Variants in COL21A1 observed in about 807,000 individuals in gnomAD.
The protein encoded by COL21A1 is collagen alpha-1(XXI) chain.
In COL21A1, 149 loss-of-function variants were observed where a neutral mutation model predicts 137.9. The observed-to-expected ratio is 1.08, with a 90% CI of 0.95 to 1.24. The LOEUF is 1.24. COL21A1 is among the 50% of genes most tolerant of loss of function. COL21A1 has a pLI of 0.00. For synonymous variants in COL21A1, 456 were observed against 391.5 expected (o/e 1.16, Z -1.95); for missense variants, 1,167 against 1,158.4 (o/e 1.01, Z -0.11).
At chr6:56,254,520 G>C (rs559992162) in intron 1 of COL21A1, among the ~76,000 whole-genome samples, 3 of 152,176 alleles carry the variant, frequency 2.0e-5, no homozygotes, top group Non-Finnish European at 4.4e-5. Context: ...GATGTGGTTA[G>C]TAACAGGCTG....
At chr6:56,159,334 ATT>A (rs11412656) in intron 9 of COL21A1, among the ~76,000 whole-genome samples, 11 of 137,126 alleles carry the variant, frequency 8.0e-5, no homozygotes, top group African/African-American at 1.9e-4. Flanking sequence ...TCTGAATTAC[ATT>A]TTTTTTTTTT....
At chr6:56,090,165 G>A (rs997242892) in intron 17 of COL21A1, among the ~76,000 whole-genome samples, 6 of 152,192 alleles carry the variant, frequency 3.9e-5, no homozygotes, top group Non-Finnish European at 7.3e-5. Flanking sequence ...CTTGAACCCA[G>A]GAGGCAGAGG....
At chr6:56,087,310 A>G (rs1768361158) in intron 17 of COL21A1, among the ~76,000 whole-genome samples, 1 of 152,108 alleles carries the variant, frequency 6.6e-6, no homozygotes, top group Admixed American at 6.6e-5. Flanking sequence ...CTTCTATAGC[A>G]TTGACAACCT....
chr6:56,268,128 A>T (rs1763437820), intron 1 of COL21A1, among the ~76,000 whole-genome samples: 1 of 152,166 alleles, frequency 6.6e-6, no homozygotes, highest in Non-Finnish European at 1.5e-5. Context: ...TGTGGTGAGA[A>T]CTAAAGCAGG....
At chr6:56,322,131 T>C (rs1413817071) in intron 1 of COL21A1, among the ~76,000 whole-genome samples, 1 of 152,130 alleles carries the variant, frequency 6.6e-6, no homozygotes, top group Non-Finnish European at 1.5e-5. Flanking sequence ...GCTGCCAGTC[T>C]GATCCTCTAC....
chr6:56,166,498 A>G (rs1776589275), intron 7 of COL21A1, among the ~76,000 whole-genome samples: 1 of 152,156 alleles, frequency 6.6e-6, no homozygotes, highest in Non-Finnish European at 1.5e-5. Context: ...CTAAAAATAC[A>G]AACATTAGCT....
In COL21A1 at chr6:56,075,567, G is replaced by A. The variant is rs553745983; in HGVS notation, c.1858-35C>T. ...TCAAACATTAAAAACATTATAAATTGTAAATTATCAATTTATTTCAAGAAA... is the reference window on the plus strand; with the variant it reads ...TCAAACATTAAAAACATTATAAATTATAAATTATCAATTTATTTCAAGAAA... On this transcript the variant is annotated intron_variant, in intron 18 of 29. Coordinates refer to ENST00000244728, the MANE Select transcript of COL21A1 (RefSeq NM_030820.4). 45 of 1,389,380 alleles carry A rather than the reference G, an allele frequency of 3.2e-5. No homozygotes were observed. The South Asian group carries it at 5.8e-4, about 18-fold the overall frequency. 86.1% of individuals were successfully genotyped at this position (1,389,380 alleles called of 1,614,324 possible).
intron 1 of COL21A1, among the ~76,000 whole-genome samples, chr6:56,359,504 G>T (rs558931926): frequency 5.6e-4 from 85 of 152,194 alleles, no homozygotes; most frequent in African/African-American, 2.0e-3. Flanking sequence ...GTTGGTTTGG[G>T]TTTTTTTCTG....
At chr6:56,303,316 T>C (rs1468017965) in intron 1 of COL21A1, among the ~76,000 whole-genome samples, 3 of 152,202 alleles carry the variant, frequency 2.0e-5, no homozygotes, top group Non-Finnish European at 4.4e-5. Context: ...ATAAATTACC[T>C]TGGGCAGTAT....
In COL21A1 at chr6:56,334,006, T is replaced by C. The variant is rs76621654; in HGVS notation, c.-39+59965A>G. Among the ~76,000 whole-genome samples, 1,363 of 152,286 alleles carry C rather than the reference T, an allele frequency of 9.0e-3. 19 individuals carry two copies. The highest frequency in any genetic ancestry group is 0.031 in the African/African-American group (1,272 of 41,546). ...TTCTGGTTACAAGTCCTTTATCAGA[T>C]AGATACAGTGTATGCTTTGCATATG... On this transcript the variant is annotated intron_variant, in intron 1 of 28. Transcript: ENST00000370819.
At chr6:56,261,845 T>C (rs1203456818) in intron 1 of COL21A1, among the ~76,000 whole-genome samples, 2 of 152,196 alleles carry the variant, frequency 1.3e-5, no homozygotes, top group Non-Finnish European at 2.9e-5. Context: ...AGCTTTACCA[T>C]GTTGTCTGCC....
chr6:56,158,651 C>A (rs1168172699), intron 9 of COL21A1, among the ~76,000 whole-genome samples: 1 of 151,846 alleles, frequency 6.6e-6, no homozygotes, highest in African/African-American at 2.4e-5. Context: ...ATTACAGAGC[C>A]AAATTTCATG....
At chr6:56,307,726 G>C (rs552360361) in intron 1 of COL21A1, among the ~76,000 whole-genome samples, 2 of 152,168 alleles carry the variant, frequency 1.3e-5, no homozygotes, top group African/African-American at 4.8e-5. Flanking sequence ...CTGCACCCAC[G>C]GTCCTGCACC....
chr6:56,314,445 A>G (rs571702009), intron 1 of COL21A1, among the ~76,000 whole-genome samples: 6 of 152,190 alleles, frequency 3.9e-5, no homozygotes, highest in African/African-American at 1.4e-4. Context: ...GAGTAAGTCT[A>G]ATTGTAAGAT....
intron 12 of COL21A1, among the ~76,000 whole-genome samples, chr6:56,129,010 C>A (rs183519066): frequency 2.6e-5 from 4 of 152,298 alleles, no homozygotes; most frequent in South Asian, 2.1e-4. Context: ...AGGCTAGAGA[C>A]CCTCAGCTTT....
chr6:56,323,161 A>G (rs1284101045), intron 1 of COL21A1, among the ~76,000 whole-genome samples: 1 of 152,176 alleles, frequency 6.6e-6, no homozygotes, highest in Non-Finnish European at 1.5e-5. Context: ...TGAATTTACA[A>G]GAATAAAAAC....
chr6:56,262,679 G>T (rs946828427), intron 1 of COL21A1, among the ~76,000 whole-genome samples: 3 of 152,072 alleles, frequency 2.0e-5, no homozygotes, highest in Non-Finnish European at 4.4e-5. Context: ...TACAGAGCTG[G>T]CTGCAGCTTT....
chr6:56,165,450 T>A (rs921895937), intron 7 of COL21A1, among the ~76,000 whole-genome samples: 21 of 152,212 alleles, frequency 1.4e-4, no homozygotes, highest in African/African-American at 5.1e-4. Context: ...TATCTAAAGC[T>A]GTGCTTCATC....
chr6:56,214,730 A>G (rs1157256269), intron 1 of COL21A1, among the ~76,000 whole-genome samples: 2 of 152,100 alleles, frequency 1.3e-5, no homozygotes, highest in Non-Finnish European at 2.9e-5. Context: ...AACAAAAATA[A>G]GAACCAAAAT....
Sources: allele counts gnomAD v4.1 joint callset (sites outside exome capture counted in the v4.1 genomes callset), GRCh38; gene constraint gnomAD v4.1.1; transcripts MANE v1.5; gene names NCBI Gene and HGNC (gene_info 2026-07-23, HGNC 2026-07-21).